The following ITGB5 variants were observed in gnomAD, a reference collection of about 807,000 sequenced individuals.
ITGB5 encodes integrin beta-5.
ITGB5 carries 38 observed loss-of-function variants against 84.8 expected under a neutral mutation model. The ratio of observed to expected loss-of-function variants is 0.45; its 90% CI spans 0.35 to 0.59. ITGB5 has a LOEUF of 0.59. Ranked by LOEUF, ITGB5 falls within the 20% of genes least tolerant of loss-of-function variation. The probability of loss-of-function intolerance (pLI) is 0.01; values close to 1 mark genes in which losing one functional copy is unlikely to be tolerated. For missense variants in ITGB5, 905 were observed against 1,034.5 expected, an observed-to-expected ratio of 0.87 and a Z score of 1.72; for synonymous variants, 393 against 414.4, an observed-to-expected ratio of 0.95 and a Z score of 0.63.
At chr3:124,866,579 C>T (rs1482186617) in intron 2 of ITGB5, among the ~76,000 whole-genome samples, 1 of 152,222 alleles carries the variant, frequency 6.6e-6, no homozygotes, top group Non-Finnish European at 1.5e-5. Flanking sequence ...AGGAGGCCAG[C>T]ATGCCCAATC....
intron 5 of ITGB5, among the ~76,000 whole-genome samples, chr3:124,827,965 T>C (rs2064806885): frequency 1.4e-5 from 2 of 147,994 alleles, no homozygotes; most frequent in African/African-American, 5.0e-5. Context: ...TACCCAAATC[T>C]TATAAAACAG....
chr3:124,803,008 C>T (rs2064339875), intron 9 of ITGB5, among the ~76,000 whole-genome samples: 1 of 152,184 alleles, frequency 6.6e-6, no homozygotes, highest in South Asian at 2.1e-4. Context: ...CCCATCCAAT[C>T]CCACAGGAAG....
chr3:124,776,798 T>A (rs2063932545), intron 10 of ITGB5, among the ~76,000 whole-genome samples: 1 of 152,254 alleles, frequency 6.6e-6, no homozygotes, highest in Non-Finnish European at 1.5e-5. Context: ...TGTTGCTGGC[T>A]GCACCATAAA....
At chr3:124,883,186 C>T (rs1407242877) in intron 1 of ITGB5, among the ~76,000 whole-genome samples, 6 of 152,256 alleles carry the variant, frequency 3.9e-5, no homozygotes, top group Admixed American at 2.6e-4. Flanking sequence ...TTACTGATAT[C>T]GTTAAAGCAT....
At chr3:124,819,149 C>G (rs981341934) in intron 7 of ITGB5, among the ~76,000 whole-genome samples, 3 of 152,106 alleles carry the variant, frequency 2.0e-5, no homozygotes, top group Admixed American at 1.3e-4. Context: ...CCAGACTGCT[C>G]TATTCACTCA....
intron 2 of ITGB5, among the ~76,000 whole-genome samples, chr3:124,872,953 C>T (rs1934129335): frequency 6.6e-6 from 1 of 152,140 alleles, no homozygotes; most frequent in Non-Finnish European, 1.5e-5. Flanking sequence ...AAACCTATAT[C>T]TCTTTCTAAA....
chr3:124,778,910 C>T (rs1031346820), intron 10 of ITGB5, among the ~76,000 whole-genome samples: 1 of 151,846 alleles, frequency 6.6e-6, no homozygotes, highest in Non-Finnish European at 1.5e-5. Context: ...AACAGGGTGA[C>T]CAGCTGTGTG....
At chr3:124,795,843 T>C (rs768229883) in intron 10 of ITGB5, among the ~76,000 whole-genome samples, 13 of 152,204 alleles carry the variant, frequency 8.5e-5, no homozygotes, top group Non-Finnish European at 1.6e-4. Context: ...GATTCTCCCC[T>C]GGAGCTTCTA....
At chr3:124,881,912 G>A (rs1269088575) in intron 1 of ITGB5, among the ~76,000 whole-genome samples, 1 of 152,124 alleles carries the variant, frequency 6.6e-6, no homozygotes, top group Admixed American at 6.5e-5. Context: ...AGGTTGCGGT[G>A]ACCAGAGATT....
At chr3:124,796,884 C>G in intron 9 of ITGB5, 67 bp from the exon 10 acceptor site, 1 of 1,486,624 alleles carries the variant, frequency 6.7e-7, no homozygotes, top group Non-Finnish European at 9.1e-7. Flanking sequence ...CACCCAGGGG[C>G]AGGGCCCTTG....
chr3:124,794,507 G>A (rs751605657), intron 10 of ITGB5, among the ~76,000 whole-genome samples: 40 of 152,268 alleles, frequency 2.6e-4, no homozygotes, highest in Non-Finnish European at 4.6e-4. Flanking sequence ...TGGGCTGGGC[G>A]CAGTGGCTCA....
intron 5 of ITGB5, among the ~76,000 whole-genome samples, chr3:124,837,919 A>G (rs2107588475): frequency 6.6e-6 from 1 of 152,342 alleles, no homozygotes; most frequent in East Asian, 1.9e-4. Flanking sequence ...TATGACGCAC[A>G]GAGCCAACTG....
At chr3:124,839,587 AGATGAGGGG>A (rs2064984517) in intron 5 of ITGB5, among the ~76,000 whole-genome samples, 1 of 152,198 alleles carries the variant, frequency 6.6e-6, no homozygotes, top group African/African-American at 2.4e-5. Flanking sequence ...CAAGGTGGGG[AGATGAGGGG>A]GATCCTATGT....
intron 5 of ITGB5, among the ~76,000 whole-genome samples, chr3:124,834,157 G>C (rs764492653): frequency 6.6e-6 from 1 of 151,998 alleles, no homozygotes; most frequent in African/African-American, 2.4e-5. Flanking sequence ...ACCTGTTGTC[G>C]TACATTTGTT....
intron 1 of ITGB5, among the ~76,000 whole-genome samples, chr3:124,884,936 A>G (rs1934733542): frequency 6.6e-6 from 1 of 152,126 alleles, no homozygotes; most frequent in Non-Finnish European, 1.5e-5. Context: ...GAACTCTGAA[A>G]AAGAGAAAGC....
rs1934859006 is a variant in ITGB5, at chr3:124,887,123, T to C, written c.-123A>G. Reference sequence around the variant, plus strand: ...CGCAGCCGCATGCCCCGCGCGCAGCTCCGGCTCACGGCGCCCGCGCTGGCC... The same window carrying C: ...CGCAGCCGCATGCCCCGCGCGCAGCCCCGGCTCACGGCGCCCGCGCTGGCC... On this transcript the variant is annotated 5_prime_UTR_variant, in exon 1 of 15. Coordinates refer to ENST00000296181, the MANE Select transcript of ITGB5 (RefSeq NM_002213.5). 1 of 200,672 alleles carries C rather than the reference T, an allele frequency of 5.0e-6. No individual in the cohort carries two copies. Among genetic ancestry groups the C allele is most frequent in the Non-Finnish European group, 8.7e-6 (1 of 114,766 alleles). The allele number at this position is 200,672 out of a possible 1,614,324, so 12.4% of individuals were successfully genotyped here.
rs1355091575 is a variant in ITGB5, at chr3:124,763,395, A to G, written c.*228T>C. On this transcript the variant is annotated 3_prime_UTR_variant, in exon 15 of 15. Coordinates refer to ENST00000296181, the MANE Select transcript of ITGB5 (RefSeq NM_002213.5). ...GAGAGCGCCAAGGTCCCCTTGCTTTATCCCAAGCTCGGAGGGACGCAGCCT... is the reference window on the plus strand; with the variant it reads ...GAGAGCGCCAAGGTCCCCTTGCTTTGTCCCAAGCTCGGAGGGACGCAGCCT... The G allele has an allele frequency of 5.3e-6, 2 of 374,004 alleles. No homozygotes were observed. The highest frequency in any genetic ancestry group is 9.8e-6 in the Non-Finnish European group (2 of 204,804). 23.2% of individuals were successfully genotyped at this position (374,004 alleles called of 1,614,324 possible).
chr3:124,799,843 G>C (rs1382505781), intron 9 of ITGB5, among the ~76,000 whole-genome samples: 2 of 152,198 alleles, frequency 1.3e-5, no homozygotes, highest in African/African-American at 4.8e-5. Flanking sequence ...GGGGTGCGCA[G>C]GGAGAGCCAG....
intron 6 of ITGB5, among the ~76,000 whole-genome samples, chr3:124,820,277 A>C (rs2064680439): frequency 6.6e-6 from 1 of 152,148 alleles, no homozygotes; most frequent in African/African-American, 2.4e-5. Flanking sequence ...TCCTATGCCT[A>C]AAGCTTAGGT....
Sources: gnomAD v4.1 joint callset for allele counts (sites outside exome capture counted in the v4.1 genomes callset) on GRCh38, gnomAD v4.1.1 for gene constraint, MANE v1.5 for transcripts, NCBI Gene and HGNC (gene_info 2026-07-23, HGNC 2026-07-21) for gene names.